The following DGCR2 variants were observed in gnomAD, a reference collection of about 807,000 sequenced individuals.
DGCR2 encodes DiGeorge syndrome critical region gene 2, also known as integral membrane protein DGCR2/IDD.
In DGCR2, 24 loss-of-function variants were observed where a neutral mutation model predicts 51.6. That is an observed-to-expected ratio of 0.47 (90% CI 0.34 to 0.65). DGCR2 has a LOEUF of 0.65. Ranked by LOEUF, DGCR2 falls within the 30% of genes least tolerant of loss-of-function variation. DGCR2 has a pLI of 0.01. For missense variants in DGCR2, 765 were observed against 772.1 expected (o/e 0.99, Z 0.11); for synonymous variants, 340 against 315.4 (o/e 1.08, Z -0.82).
In DGCR2 at chr22:19,089,452, C is replaced by T. The variant is rs1007904364; in HGVS notation, c.118G>A (p.Gly40Ser). 5.6e-6 allele frequency: 9 copies of T among 1,604,738 alleles called. No homozygotes were observed. The highest frequency in any genetic ancestry group is 3.4e-5 in the Admixed American group (2 of 59,022). Residue 40 changes from glycine (G) to serine (S), a missense_variant, in exon 2 of 10, where the codon GGC (glycine) becomes AGC (serine). Physicochemically the swap from Gly to Ser is moderately conservative, Grantham distance 56. Around this residue, in one of 3 missense-constraint regions of DGCR2, gnomAD observed 370 missense variants for 325.5 expected, o/e 1.14. Transcript: ENST00000263196. Reference protein sequence around the residue: ...CNPGQFACRSGTIQCIPLPWQ... With the variant: ...CNPGQFACRSSTIQCIPLPWQ... ...GGGAGGGGGATGCACTGGATGGTGC[C>T]GCTGCGACACGCAAACTGCCCAGGG...
chr22:19,089,584 G>GT, intron 1 of DGCR2, 94 bp from the exon 2 acceptor site: 1 of 1,308,860 alleles, frequency 7.6e-7, no homozygotes, highest in Non-Finnish European at 9.9e-7. Context: ...CCATTTGTTT[G>GT]TTTGTTTGTT....
At chr22:19,053,042 A>G (rs2082566107) in intron 6 of DGCR2, among the ~76,000 whole-genome samples, 2 of 152,176 alleles carry the variant, frequency 1.3e-5, no homozygotes, top group Admixed American at 6.5e-5. Flanking sequence ...CATACTTCCA[A>G]CTGGAAACCC....
At position 19,038,869 on chromosome 22, in the gene DGCR2, A is replaced by T. The variant is rs765868451; in HGVS notation, c.1649T>A (p.Val550Glu). 1.9e-6 allele frequency: 3 copies of T among 1,612,772 alleles called. No individual in the cohort carries two copies. In the East Asian group the frequency reaches 6.7e-5, roughly 36 times the overall value. The change falls in exon 10 of 10, where the codon GTG (valine) becomes GAG (glutamate). Residue 550 changes from valine (V) to glutamate (E), a missense_variant. Coordinates refer to ENST00000263196, the MANE Select transcript of DGCR2 (RefSeq NM_005137.3). The part of the protein sequence containing the change: ...RHSRSSLNTV[V>E] ...TTGGGGTACAGGCCAGGCCGTCTAC[A>T]CCACAGTATTGAGGGAGCTGCGGCT...
At chr22:19,062,195 A>C (rs2082671106) in intron 5 of DGCR2, among the ~76,000 whole-genome samples, 1 of 152,252 alleles carries the variant, frequency 6.6e-6, no homozygotes, top group Non-Finnish European at 1.5e-5. Context: ...CAGGGAATGC[A>C]AATGTGGCTG....
At chr22:19,099,391 C>A (rs2800959) in intron 1 of DGCR2, among the ~76,000 whole-genome samples, 6 of 151,416 alleles carry the variant, frequency 4.0e-5, no homozygotes, top group African/African-American at 1.5e-4. Context: ...ACCAGCCTGG[C>A]CAACATGGTG....
At chr22:19,097,896 C>G (rs57259441) in intron 1 of DGCR2, among the ~76,000 whole-genome samples, 6,722 of 152,136 alleles carry the variant, frequency 0.044, 246 homozygotes, top group South Asian at 0.12. Flanking sequence ...GAGGTAAGGG[C>G]TAAGACCAGA....
chr22:19,040,861 G>T (rs1024838228), intron 9 of DGCR2, among the ~76,000 whole-genome samples, 197 bp downstream of exon 9: 6 of 152,196 alleles, frequency 3.9e-5, no homozygotes, highest in African/African-American at 1.4e-4. Context: ...TGCACAGATT[G>T]CCAAGGGCGG....
At chr22:19,046,854 T>C in intron 7 of DGCR2, 1 of 298,766 alleles carries the variant, frequency 3.3e-6, no homozygotes, top group South Asian at 2.4e-5. Flanking sequence ...GCAGGCTCTT[T>C]AGGCCATACA....
At chr22:19,041,389 G>T in intron 8 of DGCR2, 95 bp from the exon 9 acceptor site, 1 of 1,234,374 alleles carries the variant, frequency 8.1e-7, no homozygotes, top group Non-Finnish European at 1.2e-6. Flanking sequence ...TGGGCCTGCC[G>T]TCCCTGAGTG....
intron 3 of DGCR2, among the ~76,000 whole-genome samples, chr22:19,066,866 C>T (rs1569057522): frequency 6.6e-6 from 1 of 152,230 alleles, no homozygotes; most frequent in Non-Finnish European, 1.5e-5. Flanking sequence ...AGCATCAGGA[C>T]CCCCTGGGGC....
chr22:19,093,017 G>A (rs1478374559), intron 1 of DGCR2, among the ~76,000 whole-genome samples: 1 of 151,960 alleles, frequency 6.6e-6, no homozygotes, highest in Non-Finnish European at 1.5e-5. Flanking sequence ...GGAGGAGGAA[G>A]AAAGAGGAAC....
In DGCR2 at chr22:19,089,465, A is replaced by G; in HGVS notation, c.105T>C (p.Phe35=). The G allele has an allele frequency of 6.2e-7, 1 of 1,602,916 alleles. No individual in the cohort carries two copies. The part of the protein sequence containing the change: ...RPELRCNPGQ[F]ACRSGTIQCI... Reference sequence around the variant, plus strand: ...ACTGGATGGTGCCGCTGCGACACGCAAACTGCCCAGGGTTGCACCGCAGCT... The same window carrying G: ...ACTGGATGGTGCCGCTGCGACACGCGAACTGCCCAGGGTTGCACCGCAGCT... The change falls in exon 2 of 10, where the codon TTT becomes TTC. Residue 35 remains phenylalanine, a synonymous_variant. Coordinates refer to ENST00000263196, the MANE Select transcript of DGCR2 (RefSeq NM_005137.3).
intron 1 of DGCR2, among the ~76,000 whole-genome samples, chr22:19,101,313 C>T (rs551927266): frequency 6.6e-6 from 1 of 152,280 alleles, no homozygotes; most frequent in South Asian, 2.1e-4. Flanking sequence ...GCAGAGACAA[C>T]CCAAGTGGCC....
At chr22:19,094,480 T>G (rs1287347377) in intron 1 of DGCR2, among the ~76,000 whole-genome samples, 1 of 152,216 alleles carries the variant, frequency 6.6e-6, no homozygotes. Context: ...CTAGAATGGC[T>G]AAAATGAAAA....
intron 6 of DGCR2, among the ~76,000 whole-genome samples, chr22:19,053,414 A>C (rs542306127): frequency 6.6e-6 from 1 of 152,226 alleles, no homozygotes; most frequent in South Asian, 2.1e-4. Flanking sequence ...ATTAAGAAAA[A>C]CCCTCTGGCA....
chr22:19,057,113 C>T lies in DGCR2; in HGVS notation c.675G>A (p.Met225Ile). The T allele has an allele frequency of 1.2e-6, 2 of 1,608,416 alleles. No individual in the cohort carries two copies. Among genetic ancestry groups the T allele is most frequent in the Non-Finnish European group, 1.7e-6 (2 of 1,177,536 alleles). The change falls in exon 6 of 10, where the codon ATG (methionine) becomes ATA (isoleucine). Residue 225 changes from methionine to isoleucine, a missense_variant. Coordinates refer to ENST00000263196, the MANE Select transcript of DGCR2 (RefSeq NM_005137.3). The surrounding 1 kb of genome is among the most constrained non-coding windows in gnomAD (Gnocchi z 5.1). ...CACAGAACACGTTGTCGTTCTCAGA[C>T]ATGGCCGAGGCAAAGATGGGGTCTG... Reference protein sequence around the residue: ...LPPDPIFASAMSENDNVFCAQ... With the variant: ...LPPDPIFASAISENDNVFCAQ...
At chr22:19,086,091 A>G (rs2083011834) in intron 2 of DGCR2, among the ~76,000 whole-genome samples, 1 of 152,186 alleles carries the variant, frequency 6.6e-6, no homozygotes, top group Admixed American at 6.5e-5. Context: ...AGCAGTCATT[A>G]ATTCAAGGAA....
chr22:19,062,775 G>GCTCTCGCT (rs1491258740), intron 5 of DGCR2, among the ~76,000 whole-genome samples: 2 of 108,858 alleles, frequency 1.8e-5, no homozygotes, highest in Non-Finnish European at 3.9e-5. Flanking sequence ...ACACATGCAT[G>GCTCTCGCT]CTCACTCTCT....
In DGCR2 at chr22:19,041,163, G is replaced by A; in HGVS notation, c.1291C>T (p.Pro431Ser). 1.2e-6 allele frequency: 2 copies of A among 1,613,926 alleles called. No homozygotes were observed. Among genetic ancestry groups the A allele is most frequent in the Non-Finnish European group, 1.7e-6 (2 of 1,179,946 alleles). Residue 431 changes from proline (P) to serine (S), a missense_variant, in exon 9 of 10, where the codon CCT (proline) becomes TCT (serine). By Grantham distance (74) the Pro-to-Ser change is moderately conservative (BLOSUM62 -1). Transcript: ENST00000263196. ...GGTFHFHDPPPPYTAYKYPDI... is the reference protein window; with the variant it reads ...GGTFHFHDPPSPYTAYKYPDI... ...GGGTACTTGTATGCCGTGTAGGGAG[G>A]TGGAGGGTCGTGGAAATGGAAAGTC...
Sources: gnomAD v4.1 joint callset for allele counts (sites outside exome capture counted in the v4.1 genomes callset) on GRCh38, gnomAD v4.1.1 for gene constraint, gnomAD v4.1.1 regional missense constraint, Gnocchi (gnomAD v3.1) non-coding constraint, MANE v1.5 for transcripts, NCBI Gene and HGNC (gene_info 2026-07-23, HGNC 2026-07-21) for gene names.